The following INPP4A variants were observed in gnomAD, a reference collection of about 807,000 sequenced individuals.
INPP4A encodes inositol polyphosphate-4-phosphatase type I A.
A neutral mutation model predicts 119.8 loss-of-function variants in INPP4A; 33 were observed. The observed-to-expected ratio is 0.28, with a 90% CI of 0.21 to 0.37. INPP4A has a LOEUF of 0.37. Ranked by LOEUF, INPP4A falls within the 10% of genes least tolerant of loss-of-function variation. The pLI is 1.00. For synonymous variants in INPP4A, 496 were observed against 500.7 expected (o/e 0.99, Z 0.12); for missense variants, 956 against 1,289.9 (o/e 0.74, Z 3.97).
Position 98,588,495 on chromosome 2 carries a change from G to GA in INPP4A, c.*895dup, listed in dbSNP as rs889852600. On this transcript the variant is annotated 3_prime_UTR_variant, in exon 25 of 25. Coordinates refer to ENST00000409851, the MANE Select transcript of INPP4A (RefSeq NM_001134225.2). Reference sequence around the variant, plus strand: ...GATAGTAGAAACCTAAATATTTTCAGAAAAAAAATTTTTTTTGCAGGATTT... The same window carrying GA: ...GATAGTAGAAACCTAAATATTTTCAGAAAAAAAAATTTTTTTTGCAGGATTT... The GA allele has an allele frequency of 1.9e-5, 4 of 213,408 alleles. No individual in the cohort carries two copies. The highest frequency in any genetic ancestry group is 7.1e-5 in the East Asian group (1 of 14,118). The allele number at this position is 213,408 out of a possible 1,614,324, so 13.2% of individuals were successfully genotyped here.
chr2:98,501,833 C>T (rs146302255), intron 1 of INPP4A, among the ~76,000 whole-genome samples: 2 of 152,192 alleles, frequency 1.3e-5, no homozygotes, highest in African/African-American at 2.4e-5. Flanking sequence ...ACATCAGTTG[C>T]GTTTCCATCA....
At chr2:98,503,667 C>G (rs778237224) in intron 1 of INPP4A, among the ~76,000 whole-genome samples, 1 of 152,222 alleles carries the variant, frequency 6.6e-6, no homozygotes, top group African/African-American at 2.4e-5. Context: ...AAGTGCCTAG[C>G]TCAGTACTTG....
chr2:98,480,240 GTGGGT>G (rs764443446), intron 1 of INPP4A, among the ~76,000 whole-genome samples: 17 of 152,220 alleles, frequency 1.1e-4, no homozygotes, highest in Non-Finnish European at 2.5e-4. Flanking sequence ...ACTGTCTTGG[GTGGGT>G]GGGGAACTCA....
chr2:98,514,629 AAGG>A (rs1685761344), intron 1 of INPP4A, among the ~76,000 whole-genome samples: 1 of 152,068 alleles, frequency 6.6e-6, no homozygotes, highest in African/African-American at 2.4e-5. Flanking sequence ...AAAGACCCAA[AAGG>A]AGGCCAGGTG....
intron 21 of INPP4A, among the ~76,000 whole-genome samples, chr2:98,568,358 A>G (rs1026803084): frequency 6.6e-6 from 1 of 152,224 alleles, no homozygotes; most frequent in African/African-American, 2.4e-5. Context: ...CGCCTGTAAC[A>G]GTGATACATG....
chr2:98,520,303 C>T, intron 3 of INPP4A, 149 bp downstream of exon 3: 2 of 657,588 alleles, frequency 3.0e-6, no homozygotes, highest in Non-Finnish European at 5.3e-6. Flanking sequence ...CTGGTTGAAC[C>T]AGGAAATAGG....
In INPP4A at chr2:98,593,436, CCACCT is replaced by C. The variant is rs1337622953; in HGVS notation, c.*5829_*5833del. On this transcript the variant is annotated 3_prime_UTR_variant, in exon 25 of 25. Transcript: ENST00000409851. ...TCACTCTCAAATTTTATGTTGCCCA[CCACCT>C]GCCACTAATGGCGTGGTGTTCTCCT... 6.6e-6 allele frequency: 1 copy of C among 152,356 alleles called. No homozygotes were observed. The highest frequency in any genetic ancestry group is 2.4e-5 in the African/African-American group (1 of 41,462). The allele number at this position is 152,356 out of a possible 1,614,324, so 9.4% of individuals were successfully genotyped here.
chr2:98,579,239 C>T (rs545786483), intron 24 of INPP4A, among the ~76,000 whole-genome samples: 10 of 152,150 alleles, frequency 6.6e-5, no homozygotes, highest in African/African-American at 2.2e-4. Flanking sequence ...TTAGTAGAAA[C>T]GGGGTTTGGC....
In INPP4A at chr2:98,564,633, C is replaced by T. The variant is rs377304252; in HGVS notation, c.2029-7C>T. ...ACCCTGAACCTCTTCACCCCACGCTCCCACAGCTGACCGCCCTCATCTGCG... is the reference window on the plus strand; with the variant it reads ...ACCCTGAACCTCTTCACCCCACGCTTCCACAGCTGACCGCCCTCATCTGCG... On this transcript the variant is annotated splice_polypyrimidine_tract_variant and splice_region_variant and intron_variant, in intron 18 of 24. Coordinates refer to ENST00000409851, the MANE Select transcript of INPP4A (RefSeq NM_001134225.2). 6 of 1,612,986 alleles carry T rather than the reference C, an allele frequency of 3.7e-6. No homozygotes were observed. The African/African-American group carries it at 5.3e-5, about 14-fold the overall frequency.
chr2:98,499,169 A>G (rs1452798995), intron 1 of INPP4A, among the ~76,000 whole-genome samples: 1 of 152,210 alleles, frequency 6.6e-6, no homozygotes, highest in Non-Finnish European at 1.5e-5. Flanking sequence ...CCTTCTTCAT[A>G]TATGTTTGCT....
intron 1 of INPP4A, among the ~76,000 whole-genome samples, chr2:98,445,839 T>C (rs1283966692): frequency 6.6e-6 from 1 of 152,248 alleles, no homozygotes; most frequent in Non-Finnish European, 1.5e-5. Context: ...CATGAAAATG[T>C]TCCTCTGGGT....
chr2:98,556,094 G>A (rs1335544320), intron 16 of INPP4A: 1 of 388,992 alleles, frequency 2.6e-6, no homozygotes, highest in African/African-American at 2.0e-5. Context: ...TGGGCTCCTG[G>A]GCTTTTCAGG....
chr2:98,542,182 A>G (rs1691592322), intron 10 of INPP4A, among the ~76,000 whole-genome samples: 2 of 152,284 alleles, frequency 1.3e-5, no homozygotes, highest in Admixed American at 1.3e-4. Flanking sequence ...GGGCAGACAC[A>G]TTCCAGAGAA....
chr2:98,508,060 C>T (rs1171367524), intron 1 of INPP4A, among the ~76,000 whole-genome samples: 3 of 152,134 alleles, frequency 2.0e-5, no homozygotes, highest in Non-Finnish European at 4.4e-5. Context: ...GGATGTGGGC[C>T]GCCCACTTTG....
intron 1 of INPP4A, among the ~76,000 whole-genome samples, chr2:98,518,754 A>C (rs1204962990): frequency 6.6e-6 from 1 of 152,184 alleles, no homozygotes; most frequent in African/African-American, 2.4e-5. Context: ...CCAGCAGATC[A>C]GCCCTGCAGG....
chr2:98,566,320 A>C lies in INPP4A; in HGVS notation c.2420+151A>C, dbSNP rs772342060. 2.6e-5 allele frequency among the ~76,000 whole-genome samples: 4 copies of C among 152,084 alleles called. No homozygotes were observed. Among genetic ancestry groups the C allele is most frequent in the Non-Finnish European group, 4.4e-5 (3 of 68,010 alleles). Reference sequence around the variant, plus strand: ...CATTTTCATCATGGCCGTGCACCTCACTGTCTTTGGTGCTAGGGACACAGA... The same window carrying C: ...CATTTTCATCATGGCCGTGCACCTCCCTGTCTTTGGTGCTAGGGACACAGA... On this transcript the variant is annotated intron_variant, in intron 21 of 24. Transcript: ENST00000409851. This position sits in a 1 kb window ranked among gnomAD's most constrained non-coding sequence, Gnocchi z 4.2.
At chr2:98,464,025 G>T (rs940740105) in intron 1 of INPP4A, among the ~76,000 whole-genome samples, 2 of 152,134 alleles carry the variant, frequency 1.3e-5, no homozygotes, top group Non-Finnish European at 2.9e-5. Flanking sequence ...TATCTCAGAG[G>T]GCCTGCAGAT....
chr2:98,499,674 A>G (rs1682720191), intron 1 of INPP4A, among the ~76,000 whole-genome samples: 1 of 152,190 alleles, frequency 6.6e-6, no homozygotes, highest in South Asian at 2.1e-4. Flanking sequence ...AAAAATTAAT[A>G]AACTTAAATT....
At chr2:98,452,523 G>A (rs1695408702) in intron 1 of INPP4A, among the ~76,000 whole-genome samples, 1 of 152,222 alleles carries the variant, frequency 6.6e-6, no homozygotes, top group South Asian at 2.1e-4. Context: ...TGAGGACCGG[G>A]GAGGAGGTTA....
Sources: allele counts gnomAD v4.1 joint callset (sites outside exome capture counted in the v4.1 genomes callset), GRCh38; gene constraint gnomAD v4.1.1; non-coding constraint Gnocchi (gnomAD v3.1); transcripts MANE v1.5; gene names NCBI Gene and HGNC (gene_info 2026-07-23, HGNC 2026-07-21).